Variants in ITPK1 observed in about 807,000 individuals in gnomAD.
ITPK1 encodes the protein inositol 1,3,4-trisphosphate 5/6-kinase.
A neutral mutation model predicts 45.3 loss-of-function variants in ITPK1; 21 were observed. That is an observed-to-expected ratio of 0.46 (90% CI 0.33 to 0.67). ITPK1 has a LOEUF of 0.67. Among genes scored for constraint, ITPK1 ranks in the 30% least tolerant of loss-of-function variants. ITPK1 has a pLI of 0.02. For synonymous variants in ITPK1, 258 were observed against 253.6 expected (o/e 1.02, Z -0.16); for missense variants, 474 against 573.5 (o/e 0.83, Z 1.77).
chr14:92,951,339 T>C (rs1887944957), intron 9 of ITPK1, among the ~76,000 whole-genome samples: 2 of 151,960 alleles, frequency 1.3e-5, no homozygotes, highest in African/African-American at 4.8e-5. Flanking sequence ...AGATCTGGGG[T>C]CAAACCCCAG....
At chr14:93,082,010 C>T (rs1566775657) in intron 2 of ITPK1, among the ~76,000 whole-genome samples, 1 of 152,124 alleles carries the variant, frequency 6.6e-6, no homozygotes, top group African/African-American at 2.4e-5. Context: ...CAGGGTTCAT[C>T]GCACTCCGGG....
At chr14:93,019,894 T>C (rs540349181) in intron 3 of ITPK1, among the ~76,000 whole-genome samples, 37 of 152,324 alleles carry the variant, frequency 2.4e-4, no homozygotes, top group Admixed American at 2.6e-4. Context: ...ATTCTGCTTT[T>C]CTGACCACAC....
chr14:92,977,426 C>T (rs767096890), intron 5 of ITPK1, among the ~76,000 whole-genome samples: 2 of 152,202 alleles, frequency 1.3e-5, no homozygotes, highest in African/African-American at 2.4e-5. Flanking sequence ...GCAGCCTTCT[C>T]GTCCATCTAC....
At chr14:92,987,130 C>T (rs1250674116) in intron 5 of ITPK1, among the ~76,000 whole-genome samples, 1 of 152,230 alleles carries the variant, frequency 6.6e-6, no homozygotes, top group African/African-American at 2.4e-5. Flanking sequence ...CCTCCAGGCA[C>T]ATACCCCAGT....
rs371296846 is a variant in ITPK1, at chr14:92,938,605, C to G, written c.*2956G>C. On this transcript the variant is annotated 3_prime_UTR_variant, in exon 11 of 11. Transcript: ENST00000267615. ...CATGAGACACAGGCAGGCCCAGGCA[C>G]AGGAAGCCCCATGGAACCTGCCAGG... 307 of 1,213,890 alleles carry G rather than the reference C, an allele frequency of 2.5e-4. No homozygotes were observed. Among genetic ancestry groups the G allele is most frequent in the Non-Finnish European group, 3.4e-4 (283 of 827,598 alleles). 75.2% of individuals were successfully genotyped at this position (1,213,890 alleles called of 1,614,324 possible).
At chr14:92,962,456 G>A in intron 6 of ITPK1, 61 bp from the exon 7 acceptor site, 4 of 1,144,400 alleles carry the variant, frequency 3.5e-6, no homozygotes, top group South Asian at 1.2e-5. Flanking sequence ...CACAAGGCAG[G>A]TACTTGGCAC....
chr14:93,071,055 C>A (rs565810393), intron 3 of ITPK1: 24 of 153,952 alleles, frequency 1.6e-4, no homozygotes, highest in African/African-American at 5.3e-4. Flanking sequence ...GGTCCCACGA[C>A]CCTTACTACA....
intron 3 of ITPK1, among the ~76,000 whole-genome samples, chr14:93,044,841 G>A (rs1200750980): frequency 2.0e-5 from 3 of 152,194 alleles, no homozygotes; most frequent in South Asian, 2.1e-4. Flanking sequence ...ACGGACTAGC[G>A]TGGGCCGCAA....
At chr14:92,950,514 G>A (rs141358902) in intron 9 of ITPK1, among the ~76,000 whole-genome samples, 7 of 152,368 alleles carry the variant, frequency 4.6e-5, no homozygotes, top group Non-Finnish European at 1.0e-4. Context: ...GGAGGTGACT[G>A]CAGACCTCAG....
In ITPK1 at chr14:92,938,343, T is replaced by C; in HGVS notation, c.*3218A>G. 1 of 701,602 alleles carries C rather than the reference T, an allele frequency of 1.4e-6. No individual in the cohort carries two copies. The highest frequency in any genetic ancestry group is 1.6e-5 in the South Asian group (1 of 61,758). The allele number at this position is 701,602 out of a possible 1,614,324, so 43.5% of individuals were successfully genotyped here. On this transcript the variant is annotated 3_prime_UTR_variant, in exon 11 of 11. Coordinates refer to ENST00000267615, the MANE Select transcript of ITPK1 (RefSeq NM_014216.6). ...TTCAGCAGTTGTGGCCAGTGGCCAA[T>C]GTGAGTGCCCAAGAGCCAAGAACTG...
chr14:93,084,043 G>C (rs1891554689), intron 2 of ITPK1, among the ~76,000 whole-genome samples: 1 of 152,232 alleles, frequency 6.6e-6, no homozygotes, highest in Admixed American at 6.5e-5. Context: ...CACAGGACTT[G>C]CCTTGGGCAA....
In ITPK1 at chr14:92,938,301, G is replaced by C. The variant is rs952789741; in HGVS notation, c.*3260C>G. On this transcript the variant is annotated 3_prime_UTR_variant, in exon 11 of 11. Coordinates refer to ENST00000267615, the MANE Select transcript of ITPK1 (RefSeq NM_014216.6). ...AAGAGAGGGCAGATACAGACCCCAG[G>C]GACATTAGTGAAGCCATTCAGCAGT... 9 of 639,462 alleles carry C rather than the reference G, an allele frequency of 1.4e-5. No individual in the cohort carries two copies. In the South Asian group the frequency reaches 1.7e-4, roughly 12 times the overall value. 39.6% of individuals were successfully genotyped at this position (639,462 alleles called of 1,614,324 possible).
At chr14:93,048,962 A>T (rs1889899023) in intron 3 of ITPK1, among the ~76,000 whole-genome samples, 1 of 151,260 alleles carries the variant, frequency 6.6e-6, no homozygotes, top group African/African-American at 2.4e-5. Flanking sequence ...AAAAAGAAAC[A>T]CTCTCTCCAG....
At chr14:92,961,423 C>G (rs571454037) in intron 7 of ITPK1, among the ~76,000 whole-genome samples, 1 of 152,172 alleles carries the variant, frequency 6.6e-6, no homozygotes, top group African/African-American at 2.4e-5. Context: ...TCAAGGTGGC[C>G]GGGAACATCA....
intron 3 of ITPK1, among the ~76,000 whole-genome samples, chr14:93,041,983 A>T (rs1318691633): frequency 1.3e-5 from 2 of 152,142 alleles, no homozygotes; most frequent in African/African-American, 4.8e-5. Flanking sequence ...CGCGGTGTCT[A>T]ATCCTAAGGG....
intron 10 of ITPK1, among the ~76,000 whole-genome samples, chr14:92,945,858 C>T (rs971789916): frequency 2.0e-5 from 3 of 152,178 alleles, no homozygotes; most frequent in East Asian, 1.9e-4. Flanking sequence ...CTCTGCCCGG[C>T]GCTGCAGTTC....
intron 2 of ITPK1, among the ~76,000 whole-genome samples, chr14:93,099,185 A>C (rs1295016913): frequency 6.6e-6 from 1 of 152,032 alleles, no homozygotes; most frequent in Non-Finnish European, 1.5e-5. Context: ...GGTCTGGCTT[A>C]GTATATCGGA....
rs942048886 is a variant in ITPK1, at chr14:93,012,321, T to C, written c.246+4355A>G. Among the ~76,000 whole-genome samples, 2 of 152,134 alleles carry C rather than the reference T, an allele frequency of 1.3e-5. No homozygotes were observed. Among genetic ancestry groups the C allele is most frequent in the Non-Finnish European group, 2.9e-5 (2 of 68,014 alleles). ...AGTTGGCAGGGCCTGGGACGAGAGA[T>C]GTGTCATTAATCAGCTCACGAGGGA... On this transcript the variant is annotated intron_variant, in intron 4 of 10. Transcript: ENST00000267615. This position sits in a 1 kb window ranked among gnomAD's most constrained non-coding sequence, Gnocchi z 4.9.
At chr14:92,973,570 G>A (rs1885769438) in intron 5 of ITPK1, among the ~76,000 whole-genome samples, 1 of 152,228 alleles carries the variant, frequency 6.6e-6, no homozygotes, top group Non-Finnish European at 1.5e-5. Flanking sequence ...GTTAAGGGGC[G>A]GGAGTCACAT....
Sources: allele counts gnomAD v4.1 joint callset (sites outside exome capture counted in the v4.1 genomes callset), GRCh38; gene constraint gnomAD v4.1.1; non-coding constraint Gnocchi (gnomAD v3.1); transcripts MANE v1.5; gene names NCBI Gene and HGNC (gene_info 2026-07-23, HGNC 2026-07-21).